PTK2: variants seen among roughly 807,000 people sequenced by gnomAD.
PTK2 encodes the protein protein tyrosine kinase 2.
Under a neutral mutation model 150.1 loss-of-function variants are expected in PTK2, and 45 were observed. That is an observed-to-expected ratio of 0.30 (90% confidence interval 0.24 to 0.38). PTK2 has a LOEUF of 0.38. Ranked by LOEUF, PTK2 falls within the 10% of genes least tolerant of loss-of-function variation. The probability of loss-of-function intolerance (pLI) is 1.00; values close to 1 mark genes in which losing one functional copy is unlikely to be tolerated. For synonymous variants in PTK2, 432 were observed against 449.2 expected (o/e 0.96, Z 0.48); for missense variants, 919 against 1,307.3 (o/e 0.70, Z 4.58).
At position 140,959,127 on chromosome 8, in the gene PTK2, A is replaced by T. The variant is rs533777295; in HGVS notation, c.-121-33378T>A. Among the ~76,000 whole-genome samples the T allele has an allele frequency of 6.9e-3, 1,031 of 150,180 alleles. 11 individuals are homozygous for T. Among genetic ancestry groups the T allele is most frequent in the African/African-American group, 0.024 (974 of 41,100 alleles). ...TTAAAGACACATAATAGGGAGTAAA[A>T]TTTTTTTTTTAATGGAAATGACTGT... On this transcript the variant is annotated intron_variant, in intron 1 of 31. Coordinates refer to ENST00000522684, the Ensembl canonical transcript of PTK2.
rs142610792 is a variant in PTK2, at chr8:140,841,879, C to T, written c.593+4381G>A. Among the ~76,000 whole-genome samples the T allele has an allele frequency of 1.6e-4, 25 of 152,006 alleles. No homozygotes were observed. In the East Asian group the frequency reaches 4.6e-3, roughly 28 times the overall value. ...TATCATCTGTTGCCTATCATATAGG[C>T]AAAAATGAACAAAAAATGGCACCAT... On this transcript the variant is annotated intron_variant, in intron 7 of 31. Transcript: ENST00000522684.
At chr8:140,866,177 C>CA (rs2100139156) in intron 4 of PTK2, among the ~76,000 whole-genome samples, 2 of 152,250 alleles carry the variant, frequency 1.3e-5, no homozygotes, top group South Asian at 4.1e-4. Context: ...AAATGCTCAG[C>CA]AAAAAGTTAT....
intron 2 of PTK2, among the ~76,000 whole-genome samples, chr8:140,919,840 C>T (rs946699128): frequency 1.3e-5 from 2 of 152,008 alleles, no homozygotes; most frequent in East Asian, 1.9e-4. Flanking sequence ...TCTAATATCA[C>T]GTTTTGTAAA....
intron 1 of PTK2, among the ~76,000 whole-genome samples, chr8:140,977,948 C>T (rs184318794): frequency 6.6e-6 from 1 of 152,110 alleles, no homozygotes; most frequent in African/African-American, 2.4e-5. Context: ...AGAAATAATG[C>T]CGCATGCATA....
In PTK2 at chr8:140,879,523, C is replaced by T. The variant is rs200017517; in HGVS notation, c.310G>A (p.Val104Ile). 29 of 1,613,598 alleles carry T rather than the reference C, an allele frequency of 1.8e-5. No homozygotes were observed. Among genetic ancestry groups the T allele is most frequent in the African/African-American group, 1.1e-4 (8 of 74,838 alleles). Reference sequence around the variant, plus strand: ...TCATACTTCTCCCTCACACTGGAGACGCCCATATCCACGTGAAGCCAGTGA... The same window carrying T: ...TCATACTTCTCCCTCACACTGGAGATGCCCATATCCACGTGAAGCCAGTGA... The change falls in exon 4 of 32, where the codon GTC becomes ATC. Residue 104 changes from valine to isoleucine, a missense_variant. Physicochemically the swap from Val to Ile is conservative, Grantham distance 29. This residue lies in a region of PTK2 where 555 missense variants were observed against 880.1 expected (regional missense o/e 0.63). Coordinates refer to ENST00000522684, the Ensembl canonical transcript of PTK2.
At chr8:140,973,458 T>C (rs770258547) in intron 1 of PTK2, among the ~76,000 whole-genome samples, 2 of 151,710 alleles carry the variant, frequency 1.3e-5, no homozygotes, top group Non-Finnish European at 2.9e-5. Flanking sequence ...AATTCTAGAT[T>C]ACGTAAAGCA....
rs967284876 is a variant in PTK2, at chr8:140,702,784, A to T, written c.2230-77T>A. On this transcript the variant is annotated intron_variant, in intron 24 of 31. Coordinates refer to ENST00000522684, the Ensembl canonical transcript of PTK2. ...TTCTGCTTCACACACAAAGGAAACT[A>T]AAATTACAGAGAATATTGTGGTAGG... 2.0e-6 allele frequency: 3 copies of T among 1,463,896 alleles called. No homozygotes were observed. The Admixed American group carries it at 5.9e-5, about 29-fold the overall frequency. The allele number at this position is 1,463,896 out of a possible 1,614,324, so 90.7% of individuals were successfully genotyped here.
At chr8:140,716,302 T>C (rs942520359) in intron 23 of PTK2, among the ~76,000 whole-genome samples, 3 of 152,166 alleles carry the variant, frequency 2.0e-5, no homozygotes, top group African/African-American at 4.8e-5. Context: ...AATTTAAAAA[T>C]AGGCAAACTT....
In PTK2 at chr8:140,789,468, C is replaced by T; in HGVS notation, c.1177+6G>A. 1 of 1,613,118 alleles carries T rather than the reference C, an allele frequency of 6.2e-7. No homozygotes were observed. Among genetic ancestry groups the T allele is most frequent in the South Asian group, 1.1e-5 (1 of 90,948 alleles). ...TTTTCGAGGTCTGCTACCTAGAGCCCCTTACCTGACACAGAGACGGCGTGT... is the reference window on the plus strand; with the variant it reads ...TTTTCGAGGTCTGCTACCTAGAGCCTCTTACCTGACACAGAGACGGCGTGT... On this transcript the variant is annotated splice_donor_region_variant and intron_variant, in intron 14 of 31. Coordinates refer to ENST00000522684, the Ensembl canonical transcript of PTK2.
rs554658393 is a variant in PTK2 at position 140,997,050 on chromosome 8, G to C, written c.-122+4075C>G. ...TTGGAGGAGGTGAAAATAGCATTATGAACAGGAGTTTGGAAGAACTTGCTT... is the reference window on the plus strand; with the variant it reads ...TTGGAGGAGGTGAAAATAGCATTATCAACAGGAGTTTGGAAGAACTTGCTT... On this transcript the variant is annotated intron_variant, in intron 1 of 31. Coordinates refer to ENST00000522684, the Ensembl canonical transcript of PTK2. 2.0e-5 allele frequency among the ~76,000 whole-genome samples: 3 copies of C among 152,326 alleles called. No homozygotes were observed. The South Asian group carries it at 6.2e-4, about 32-fold the overall frequency.
chr8:140,659,192 A>T, exon 32 of PTK2: 2 of 471,944 alleles, frequency 4.2e-6, no homozygotes, highest in Middle Eastern at 5.7e-4. Context: ...TGATGCTTAA[A>T]AGCTTACATA....
chr8:140,667,662 C>T (rs1013959541), intron 30 of PTK2, among the ~76,000 whole-genome samples: 2 of 152,136 alleles, frequency 1.3e-5, no homozygotes, highest in African/African-American at 4.8e-5. Context: ...CCACTGAACA[C>T]AATTTGGAAA....
At chr8:140,792,687 G>A (rs2100089198) in intron 13 of PTK2, among the ~76,000 whole-genome samples, 1 of 152,202 alleles carries the variant, frequency 6.6e-6, no homozygotes, top group Non-Finnish European at 1.5e-5. Context: ...CTATGGAGAA[G>A]AAGGAGAGGG....
At chr8:140,763,435 C>A (rs2100070455) in intron 15 of PTK2, among the ~76,000 whole-genome samples, 1 of 151,512 alleles carries the variant, frequency 6.6e-6, no homozygotes, top group Non-Finnish European at 1.5e-5. Flanking sequence ...CTTTAAAAGG[C>A]AGGTTTAATT....
chr8:140,977,242 T>C (rs977983722), intron 1 of PTK2, among the ~76,000 whole-genome samples: 2 of 151,978 alleles, frequency 1.3e-5, no homozygotes, highest in African/African-American at 4.8e-5. Context: ...ATTTAAAAAT[T>C]AGCCAGGTGT....
intron 2 of PTK2, among the ~76,000 whole-genome samples, chr8:140,917,222 C>T (rs188956125): frequency 6.6e-6 from 1 of 152,186 alleles, no homozygotes; most frequent in Non-Finnish European, 1.5e-5. Context: ...GAAACCCTGT[C>T]TCTACCGAAA....
intron 11 of PTK2, 125 bp downstream of exon 11, chr8:140,803,418 A>C (rs943041965): frequency 4.6e-5 from 34 of 737,996 alleles, no homozygotes; most frequent in Non-Finnish European, 6.9e-5. Flanking sequence ...AACCCTTTCT[A>C]TATATAAGAA....
At chr8:140,660,032 TTTAC>T (rs1263784654) in intron 31 of PTK2, among the ~76,000 whole-genome samples, 4 of 152,230 alleles carry the variant, frequency 2.6e-5, no homozygotes, top group Admixed American at 2.6e-4. Context: ...AAACATTTTT[TTTAC>T]TTACTTTAGA....
At chr8:140,696,070 A>T (rs555220125) in intron 26 of PTK2, among the ~76,000 whole-genome samples, 3 of 152,214 alleles carry the variant, frequency 2.0e-5, no homozygotes, top group African/African-American at 7.2e-5. Context: ...TAACGTTTAG[A>T]TGCTTAACAC....
Sources: allele counts gnomAD v4.1 joint callset (sites outside exome capture counted in the v4.1 genomes callset), GRCh38; gene constraint gnomAD v4.1.1; regional missense constraint gnomAD v4.1.1; transcripts MANE v1.5; gene names NCBI Gene and HGNC (gene_info 2026-07-23, HGNC 2026-07-21).